The following NUP50 variants were observed in gnomAD, a reference collection of about 807,000 sequenced individuals.
NUP50 encodes nuclear pore complex protein Nup50.
A neutral mutation model predicts 36.8 loss-of-function variants in NUP50; 14 were observed. The ratio of observed to expected loss-of-function variants is 0.38; its 90% confidence interval spans 0.25 to 0.59. The LOEUF (loss-of-function observed/expected upper bound fraction) is 0.59, where lower values mean the gene tolerates loss of function less well. NUP50 is among the 20% of genes least tolerant of loss of function. The pLI is 0.63. For synonymous variants in NUP50, 195 were observed against 210.8 expected, an observed-to-expected ratio of 0.93 and a Z score of 0.65; for missense variants, 455 against 564.6, an observed-to-expected ratio of 0.81 and a Z score of 1.97.
Position 45,185,728 on chromosome 22 carries a change from C to G in NUP50, c.*1073C>G, listed in dbSNP as rs1274859014. On this transcript the variant is annotated 3_prime_UTR_variant, in exon 8 of 8. Coordinates refer to ENST00000347635, the MANE Select transcript of NUP50 (RefSeq NM_007172.4). ...TTTTTAAGAGTAAGATTCCATATGT[C>G]TGTCTGGAAGGGAGCCATGGTTATT... The G allele has an allele frequency of 6.6e-6, 1 of 152,170 alleles. No homozygotes were observed. The highest frequency in any genetic ancestry group is 2.4e-5 in the African/African-American group (1 of 41,424). The allele number at this position is 152,170 out of a possible 1,614,324, so 9.4% of individuals were successfully genotyped here. A position where few individuals can be genotyped will look rare whatever the true frequency, so the allele number is the denominator to read the frequency against.
intron 5 of NUP50, among the ~76,000 whole-genome samples, chr22:45,180,659 T>A (rs1353417011): frequency 1.3e-5 from 2 of 152,230 alleles, no homozygotes; most frequent in Non-Finnish European, 2.9e-5. Context: ...ATTACAGGCG[T>A]GAGCCACTGT....
At chr22:45,167,882 C>A (rs2074120204) in intron 1 of NUP50, among the ~76,000 whole-genome samples, 1 of 152,048 alleles carries the variant, frequency 6.6e-6, no homozygotes, top group South Asian at 2.1e-4. Flanking sequence ...ATTGATATTT[C>A]ATTTTAATTT....
intron 7 of NUP50, chr22:45,184,021 C>T (rs1186564719): frequency 4.7e-6 from 1 of 211,306 alleles, no homozygotes; most frequent in Non-Finnish European, 9.6e-6. Context: ...GTGGGCTTGA[C>T]TAGGGAGTAA....
intron 3 of NUP50, among the ~76,000 whole-genome samples, chr22:45,172,424 C>T (rs921752302): frequency 2.6e-5 from 4 of 152,044 alleles, no homozygotes; most frequent in Non-Finnish European, 4.4e-5. Flanking sequence ...CAAAATGCTC[C>T]AAGATCTGAA....
chr22:45,173,437 T>G (rs1440794994), intron 3 of NUP50, among the ~76,000 whole-genome samples: 1 of 151,888 alleles, frequency 6.6e-6, no homozygotes, highest in African/African-American at 2.4e-5. Flanking sequence ...TTGATGGCTC[T>G]TTCACTGGGA....
chr22:45,180,693 A>AATG (rs2074353930), intron 5 of NUP50, among the ~76,000 whole-genome samples: 1 of 152,058 alleles, frequency 6.6e-6, no homozygotes, highest in African/African-American at 2.4e-5. Context: ...CATGTGTTTA[A>AATG]ATGATGGCCT....
At chr22:45,180,639 G>C (rs763295246) in intron 5 of NUP50, among the ~76,000 whole-genome samples, 6 of 152,158 alleles carry the variant, frequency 3.9e-5, no homozygotes, top group Non-Finnish European at 8.8e-5. Context: ...TGGCCCTGCA[G>C]CGTGCTGGGA....
chr22:45,170,823 A>G (rs914409335), intron 2 of NUP50, among the ~76,000 whole-genome samples: 28 of 152,250 alleles, frequency 1.8e-4, no homozygotes, highest in African/African-American at 6.8e-4. Flanking sequence ...ACATATGCCA[A>G]TGAAATGTGT....
intron 7 of NUP50, 126 bp downstream of exon 7, chr22:45,183,646 T>C (rs2074419011): frequency 1.5e-6 from 1 of 683,802 alleles, no homozygotes. Context: ...TCATCCTGTA[T>C]TTACTTATTT....
intron 2 of NUP50, chr22:45,171,000 G>A (rs752989352): frequency 4.6e-6 from 6 of 1,304,044 alleles, no homozygotes; most frequent in East Asian, 5.6e-5. Context: ...TAAAAGAAGG[G>A]CTATAAACTA....
intron 4 of NUP50, among the ~76,000 whole-genome samples, chr22:45,176,639 T>C (rs1354109070): frequency 6.6e-6 from 1 of 152,118 alleles, no homozygotes; most frequent in Non-Finnish European, 1.5e-5. Flanking sequence ...TCCTGACTGG[T>C]TGGGTTGTAT....
rs566807119 is a variant in NUP50 at position 45,174,058 on chromosome 22, A to G, written c.154-1836A>G. On this transcript the variant is annotated intron_variant, in intron 3 of 7. Coordinates refer to ENST00000347635, the MANE Select transcript of NUP50 (RefSeq NM_007172.4). ...CCAAAATCATCTTGCCCTATGGAAG[A>G]GAACAAATACATAGTATTAATTTTT... Among the ~76,000 whole-genome samples, 79 of 152,334 alleles carry G rather than the reference A, an allele frequency of 5.2e-4. 2 individuals are homozygous for G. The highest frequency in any genetic ancestry group is 5.2e-3 in the Admixed American group (79 of 15,300).
chr22:45,178,545 A>T lies in NUP50; in HGVS notation c.648A>T (p.Ala216=). ...RNSESESNKV[A]AETQSPSLFG... is the part of the protein sequence containing the mutation. The stretch of plus-strand genomic sequence containing the variant: ...CTGAAAGTGAATCTAACAAAGTGGC[A>T]GCTGAAACACAGTCTCCTTCCCTTT... The change falls in exon 5 of 8, where the codon GCA becomes GCT. Residue 216 remains alanine, a synonymous_variant. Coordinates refer to ENST00000347635, the MANE Select transcript of NUP50 (RefSeq NM_007172.4). 1 of 1,479,290 alleles carries T rather than the reference A, an allele frequency of 6.8e-7. No individual in the cohort carries two copies. The highest frequency in any genetic ancestry group is 1.8e-5 in the Admixed American group (1 of 56,796). 91.6% of individuals were successfully genotyped at this position (1,479,290 alleles called of 1,614,324 possible).
intron 7 of NUP50, 44 bp downstream of exon 7, chr22:45,183,564 T>TAA (rs765453469): frequency 1.4e-5 from 17 of 1,222,814 alleles, no homozygotes; most frequent in Admixed American, 6.7e-5. Flanking sequence ...CATCACATAG[T>TAA]ATATAAAAGC....
At position 45,171,883 on chromosome 22, in the gene NUP50, G is replaced by A. The variant is rs905533153; in HGVS notation, c.153+200G>A. On this transcript the variant is annotated intron_variant, in intron 3 of 7. Transcript: ENST00000347635. Reference sequence around the variant, plus strand: ...AGAGCTTATCCAGTTGAGGAAATAAGATAAATATAGACAAATTCAAGTTGA... The same window carrying A: ...AGAGCTTATCCAGTTGAGGAAATAAAATAAATATAGACAAATTCAAGTTGA... 36 of 499,014 alleles carry A rather than the reference G, an allele frequency of 7.2e-5. 1 individual carries two copies. The highest frequency in any genetic ancestry group is 6.1e-4 in the African/African-American group (32 of 52,184). 30.9% of individuals were successfully genotyped at this position (499,014 alleles called of 1,614,324 possible).
At chr22:45,165,511 A>AT (rs745317522) in intron 1 of NUP50, among the ~76,000 whole-genome samples, 19 of 152,132 alleles carry the variant, frequency 1.2e-4, no homozygotes, top group Non-Finnish European at 1.9e-4. Context: ...TAAGTTCTTC[A>AT]TAACAGTAGC....
chr22:45,174,612 G>A (rs961419820), intron 3 of NUP50, among the ~76,000 whole-genome samples: 1 of 152,134 alleles, frequency 6.6e-6, no homozygotes, highest in Admixed American at 6.5e-5. Flanking sequence ...CCCTACAAGT[G>A]ACTTTTAACT....
At chr22:45,184,392 G>T (rs993239013) in intron 7 of NUP50, 61 bp from the exon 8 acceptor site, 214 of 1,433,630 alleles carry the variant, frequency 1.5e-4, no homozygotes, top group Non-Finnish European at 1.9e-4. Context: ...GCATATTACA[G>T]ACTCCTTTGG....
chr22:45,164,633 A>G (rs1221487007), intron 1 of NUP50: 2 of 144,420 alleles, frequency 1.4e-5, no homozygotes, highest in South Asian at 2.1e-4. Flanking sequence ...TGGGGGAGCG[A>G]CGGGTGGAGG....
Sources: allele counts gnomAD v4.1 joint callset (sites outside exome capture counted in the v4.1 genomes callset), GRCh38; gene constraint gnomAD v4.1.1; transcripts MANE v1.5; gene names NCBI Gene and HGNC (gene_info 2026-07-23, HGNC 2026-07-21).